Variants in SV2B observed in about 807,000 individuals in gnomAD.
SV2B encodes the protein solute carrier family 22 member B2.
In SV2B, 41 loss-of-function variants were observed where a neutral mutation model predicts 73.9. The ratio of observed to expected loss-of-function variants is 0.56; its 90% CI spans 0.43 to 0.72. The LOEUF is 0.72. SV2B is among the 30% of genes least tolerant of loss of function. SV2B has a pLI of 0.00. For missense variants in SV2B, 764 were observed against 857.8 expected (o/e 0.89, Z 1.37); for synonymous variants, 314 against 314.2 (o/e 1.00, Z 0.01).
chr15:91,127,725 G>A (rs188850938), intron 1 of SV2B, among the ~76,000 whole-genome samples: 3 of 152,290 alleles, frequency 2.0e-5, no homozygotes, highest in East Asian at 3.9e-4. Context: ...GGCAGGAGGA[G>A]TGAGACATGT....
At chr15:91,209,112 TTG>T (rs1378399054) in intron 1 of SV2B, among the ~76,000 whole-genome samples, 38 of 138,284 alleles carry the variant, frequency 2.7e-4, no homozygotes, top group African/African-American at 7.1e-4. Flanking sequence ...GTACTGTTTT[TTG>T]TTTTTTTTTT....
Position 91,122,893 on chromosome 15 carries a change from A to G in SV2B, c.-392+22530A>G, listed in dbSNP as rs2042377632. On this transcript the variant is annotated intron_variant, in intron 1 of 12. Transcript: ENST00000394232. This position sits in a 1 kb window ranked among gnomAD's most constrained non-coding sequence, Gnocchi z 4.3. ...AGATCCTTGTTGGTCAAAGGATACT[A>G]AATTTCAGTTTGACAGGATTAATAA... 6.6e-6 allele frequency among the ~76,000 whole-genome samples: 1 copy of G among 152,202 alleles called. No homozygotes were observed. The highest frequency in any genetic ancestry group is 1.5e-5 in the Non-Finnish European group (1 of 68,050).
Position 91,252,606 on chromosome 15 carries a change from C to T in SV2B, c.784+86C>T. 7 of 1,409,006 alleles carry T rather than the reference C, an allele frequency of 5.0e-6. No individual in the cohort carries two copies. The highest frequency in any genetic ancestry group is 6.5e-6 in the Non-Finnish European group (7 of 1,070,766). 87.3% of individuals were successfully genotyped at this position (1,409,006 alleles called of 1,614,324 possible). A position where few individuals can be genotyped will look rare whatever the true frequency, so the allele number is the denominator to read the frequency against. On this transcript the variant is annotated intron_variant, in intron 4 of 12. Coordinates refer to ENST00000394232, the MANE Select transcript of SV2B (RefSeq NM_001323032.3). This position sits in a 1 kb window ranked among gnomAD's most constrained non-coding sequence, Gnocchi z 4.6. ...ATAGTTCCTGTCCTCAGCCTTATTC[C>T]ATGTACTCACGCACAGTTCCCGTAC... is the stretch of plus-strand genomic sequence containing the variant.
In SV2B at chr15:91,251,940, C is replaced by G; in HGVS notation, c.573C>G (p.Leu191=). 1.9e-6 allele frequency: 3 copies of G among 1,614,176 alleles called. No homozygotes were observed. Among genetic ancestry groups the G allele is most frequent in the Non-Finnish European group, 1.7e-6 (2 of 1,180,036 alleles). ...CCGTCAATGCCTCCTTCGCCTCCCT[C>G]TCTTCCTTCGTGCAGGGATATGGAG... ...SLAVNASFAS[L]SSFVQGYGAF... Residue 191 remains leucine (L), a synonymous_variant, in exon 3 of 13, where the codon CTC becomes CTG. Transcript: ENST00000394232.
rs962108270 is a variant in SV2B at position 91,229,110 on chromosome 15, G to A, written c.451+2396G>A. On this transcript the variant is annotated intron_variant, in intron 2 of 12. Transcript: ENST00000394232. The surrounding 1 kb of genome is among the most constrained non-coding windows in gnomAD (Gnocchi z 4.3). ...TCGTTTGTGGGAAGGAGGTCATGCC[G>A]TGCACAGGCTGCTCTCTGTGTCATC... Among the ~76,000 whole-genome samples the A allele has an allele frequency of 4.6e-5, 7 of 152,218 alleles. No individual in the cohort carries two copies. Among genetic ancestry groups the A allele is most frequent in the African/African-American group, 9.6e-5 (4 of 41,456 alleles).
Position 91,106,019 on chromosome 15 carries a change from C to T in SV2B, c.-392+5656C>T, listed in dbSNP as rs1427499848. ...GAGTCACGATAATGCCATTGTACTC[C>T]AGCCTGGACAATGGATTGAGATCAT... On this transcript the variant is annotated intron_variant, in intron 1 of 12. Transcript: ENST00000394232. This position sits in a 1 kb window ranked among gnomAD's most constrained non-coding sequence, Gnocchi z 4.4. Among the ~76,000 whole-genome samples, 1 of 152,018 alleles carries T rather than the reference C, an allele frequency of 6.6e-6. No homozygotes were observed. The highest frequency in any genetic ancestry group is 1.9e-4 in the East Asian group (1 of 5,198).
At chr15:91,144,271 G>A (rs919593517) in intron 1 of SV2B, among the ~76,000 whole-genome samples, 7 of 152,206 alleles carry the variant, frequency 4.6e-5, no homozygotes, top group African/African-American at 1.7e-4. Flanking sequence ...TTTGAGGAAT[G>A]TAGCATTCTC....
In SV2B at chr15:91,240,414, T is replaced by A. The variant is rs1489987236; in HGVS notation, c.452-11405T>A. Among the ~76,000 whole-genome samples the A allele has an allele frequency of 6.6e-6, 1 of 152,196 alleles. No homozygotes were observed. Among genetic ancestry groups the A allele is most frequent in the African/African-American group, 2.4e-5 (1 of 41,446 alleles). On this transcript the variant is annotated intron_variant, in intron 2 of 12. Transcript: ENST00000394232. This position sits in a 1 kb window ranked among gnomAD's most constrained non-coding sequence, Gnocchi z 4.6. The stretch of plus-strand genomic sequence containing the variant: ...TTTGTATATTTTTAACTTTTCACTT[T>A]ATTCAGTAGCTCCTTAAAAGAGTCA...
At chr15:91,203,255 A>G (rs114346067) in intron 1 of SV2B, among the ~76,000 whole-genome samples, 29 of 152,306 alleles carry the variant, frequency 1.9e-4, no homozygotes, top group Admixed American at 4.6e-4. Flanking sequence ...CCAACTGCAT[A>G]GTCACCCCTG....
intron 4 of SV2B, among the ~76,000 whole-genome samples, chr15:91,257,624 G>A (rs1265545920): frequency 6.6e-6 from 1 of 152,170 alleles, no homozygotes; most frequent in African/African-American, 2.4e-5. Flanking sequence ...TTTTCAAAAT[G>A]TGGTCCTGAA....
rs2042610691 is a variant in SV2B at position 91,130,565 on chromosome 15, G to A, written c.-392+30202G>A. Among the ~76,000 whole-genome samples, 7 of 152,134 alleles carry A rather than the reference G, an allele frequency of 4.6e-5. No individual in the cohort carries two copies. In the South Asian group the frequency reaches 1.4e-3, roughly 31 times the overall value. On this transcript the variant is annotated intron_variant, in intron 1 of 12. Coordinates refer to ENST00000394232, the MANE Select transcript of SV2B (RefSeq NM_001323032.3). This position sits in a 1 kb window ranked among gnomAD's most constrained non-coding sequence, Gnocchi z 5.6. ...GAAGGAGAAGAGTCAGGAGAAAGCT[G>A]GTGTCAGAGATTCCAAAGCAGGAGG...
Position 91,226,523 on chromosome 15 carries a change from A to G in SV2B, c.260A>G (p.Asp87Gly), listed in dbSNP as rs1357459107. ...QTDLMAERLE[D>G]EEQLAHQYET... ...GACCTGATGGCTGAGAGGCTGGAAG[A>G]TGAGGAGCAGTTGGCCCACCAGTAC... The change falls in exon 2 of 13, where the codon GAT (aspartate) becomes GGT (glycine). Residue 87 changes from aspartate to glycine, a missense_variant. Transcript: ENST00000394232. 1 of 1,614,032 alleles carries G rather than the reference A, an allele frequency of 6.2e-7. No individual in the cohort carries two copies. Among genetic ancestry groups the G allele is most frequent in the East Asian group, 2.2e-5 (1 of 44,856 alleles).
At chr15:91,198,382 G>A (rs529715184) in intron 1 of SV2B, among the ~76,000 whole-genome samples, 2 of 151,838 alleles carry the variant, frequency 1.3e-5, no homozygotes, top group South Asian at 4.2e-4. Flanking sequence ...ATTACCTTCG[G>A]CACTGAACGG....
intron 1 of SV2B, among the ~76,000 whole-genome samples, chr15:91,146,586 T>A (rs979558549): frequency 6.6e-6 from 1 of 152,216 alleles, no homozygotes; most frequent in Non-Finnish European, 1.5e-5. Context: ...GGATAAAATG[T>A]TTTTTCATTT....
intron 1 of SV2B, among the ~76,000 whole-genome samples, chr15:91,143,107 C>A (rs1179744089): frequency 1.3e-5 from 2 of 152,116 alleles, no homozygotes; most frequent in Non-Finnish European, 2.9e-5. Flanking sequence ...AGGGACAGAC[C>A]GGGTGGGTCC....
chr15:91,130,679 C>T lies in SV2B; in HGVS notation c.-392+30316C>T, dbSNP rs1452881793. ...GGATGTGGCTTGTGAGTCTTGCAGA[C>T]ATACTGCCTGCATGGAGGTGAGAAG... On this transcript the variant is annotated intron_variant, in intron 1 of 12. Coordinates refer to ENST00000394232, the MANE Select transcript of SV2B (RefSeq NM_001323032.3). This position sits in a 1 kb window ranked among gnomAD's most constrained non-coding sequence, Gnocchi z 5.6. 2.0e-5 allele frequency among the ~76,000 whole-genome samples: 3 copies of T among 152,072 alleles called. No individual in the cohort carries two copies. Among genetic ancestry groups the T allele is most frequent in the Admixed American group, 2.0e-4 (3 of 15,282 alleles).
chr15:91,296,676 C>T lies in SV2B; in HGVS notation c.*4124C>T, dbSNP rs1029994427. The T allele has an allele frequency of 6.6e-6, 1 of 150,650 alleles. No individual in the cohort carries two copies. The highest frequency in any genetic ancestry group is 6.7e-5 in the Admixed American group (1 of 14,976). The allele number at this position is 150,650 out of a possible 1,614,324, so 9.3% of individuals were successfully genotyped here. A position where few individuals can be genotyped will look rare whatever the true frequency, so the allele number is the denominator to read the frequency against. On this transcript the variant is annotated 3_prime_UTR_variant, in exon 13 of 13. Coordinates refer to ENST00000394232, the MANE Select transcript of SV2B (RefSeq NM_001323032.3). The stretch of plus-strand genomic sequence containing the variant: ...ATCGTTGGGAGCACACCCCTTCTGC[C>T]TGATCATTGGGAGCACACTCCTTCT...
intron 1 of SV2B, among the ~76,000 whole-genome samples, chr15:91,189,324 G>A (rs1209916695): frequency 6.6e-6 from 1 of 151,912 alleles, no homozygotes; most frequent in Non-Finnish European, 1.5e-5. Context: ...ATTCCAACAC[G>A]TTTAGTAAGT....
intron 1 of SV2B, among the ~76,000 whole-genome samples, chr15:91,158,725 T>TTCCCTTCC (rs2043601672): frequency 1.0e-5 from 1 of 99,540 alleles, no homozygotes; most frequent in Non-Finnish European, 2.1e-5. Flanking sequence ...TCTCCTCTCC[T>TTCCCTTCC]CTCTTCTCCT....
Sources: gnomAD v4.1 joint callset for allele counts (sites outside exome capture counted in the v4.1 genomes callset) on GRCh38, gnomAD v4.1.1 for gene constraint, Gnocchi (gnomAD v3.1) non-coding constraint, MANE v1.5 for transcripts, NCBI Gene and HGNC (gene_info 2026-07-23, HGNC 2026-07-21) for gene names.